Variants in RANBP2 observed in about 807,000 individuals in gnomAD.
RANBP2 encodes the protein RAN binding protein 2.
RANBP2 carries 57 observed loss-of-function variants against 303.6 expected under a neutral mutation model. The observed-to-expected ratio is 0.19, with a 90% CI of 0.15 to 0.23. RANBP2 has a LOEUF of 0.23. Ranked by LOEUF, RANBP2 falls within the 10% of genes least tolerant of loss-of-function variation. RANBP2 has a pLI of 1.00. For missense variants in RANBP2, 3,138 were observed against 3,780.8 expected (o/e 0.83, Z 4.46); for synonymous variants, 1,167 against 1,301.5 (o/e 0.90, Z 2.23).
At chr2:109,197,721 C>T in the RANBP2 span, among the ~76,000 whole-genome samples, 1 of 152,202 alleles carries the variant, frequency 6.6e-6, no homozygotes, top group East Asian at 1.9e-4. Flanking sequence ...GTGTGCCTTG[C>T]TGGAGTAGAA....
the RANBP2 span, among the ~76,000 whole-genome samples, chr2:108,932,528 C>CAAAAAAAAAAAAAAAAA: frequency 2.6e-5 from 1 of 39,158 alleles, no homozygotes; most frequent in African/African-American, 1.0e-4. Context: ...GACTCTGTCT[C>CAAAAAAAAAAAAAAAAA]AAAAAAAAAA....
chr2:109,561,365 C>T, the RANBP2 span, among the ~76,000 whole-genome samples: 2 of 152,156 alleles, frequency 1.3e-5, no homozygotes, highest in African/African-American at 4.8e-5. Context: ...ACCCATTTTA[C>T]ACTGTCTGCC....
the RANBP2 span, among the ~76,000 whole-genome samples, chr2:108,900,570 AAAAC>A: frequency 1.9e-4 from 17 of 91,590 alleles, no homozygotes; most frequent in African/African-American, 4.4e-4. Flanking sequence ...GAAAAAAAAA[AAAAC>A]AAAAAACCCA....
At chr2:109,567,120 G>C in the RANBP2 span, among the ~76,000 whole-genome samples, 50 of 152,278 alleles carry the variant, frequency 3.3e-4, no homozygotes, top group African/African-American at 1.2e-3. Flanking sequence ...GAAAGTCACT[G>C]TTAGGCGCTT....
chr2:109,201,484 T>C, the RANBP2 span, among the ~76,000 whole-genome samples: 1 of 152,050 alleles, frequency 6.6e-6, no homozygotes, highest in Non-Finnish European at 1.5e-5. Flanking sequence ...CTTATCTCTC[T>C]CTCCCCCTGG....
the RANBP2 span, among the ~76,000 whole-genome samples, chr2:108,880,089 A>G: frequency 6.6e-5 from 10 of 152,100 alleles, no homozygotes; most frequent in African/African-American, 2.2e-4. Flanking sequence ...AAAACATTTT[A>G]AAAAACAGAA....
At chr2:109,763,046 A>C in the RANBP2 span, among the ~76,000 whole-genome samples, 1 of 149,618 alleles carries the variant, frequency 6.7e-6, no homozygotes, top group African/African-American at 2.5e-5. Flanking sequence ...AATATTTGAG[A>C]ACTTTCTGTG....
the RANBP2 span, among the ~76,000 whole-genome samples, chr2:109,039,616 TG>T: frequency 4.6e-5 from 7 of 152,238 alleles, no homozygotes. Context: ...CCCAAAGTGC[TG>T]GGATTACAGG....
At chr2:109,491,913 G>A in the RANBP2 span, among the ~76,000 whole-genome samples, 2 of 152,180 alleles carry the variant, frequency 1.3e-5, no homozygotes. Context: ...CCTCCCAGAC[G>A]CCATTCCCAG....
chr2:109,054,104 C>T, the RANBP2 span, among the ~76,000 whole-genome samples: 1 of 152,204 alleles, frequency 6.6e-6, no homozygotes, highest in South Asian at 2.1e-4. Context: ...CAGCCTGGCA[C>T]ATCCATCTAT....
the RANBP2 span, among the ~76,000 whole-genome samples, chr2:109,171,506 C>T: frequency 1.7e-4 from 26 of 152,360 alleles, no homozygotes; most frequent in East Asian, 4.8e-3. Flanking sequence ...CTGCTGGGCT[C>T]GCGGGTATGG....
the RANBP2 span, chr2:108,798,348 CCA>C: frequency 6.7e-7 from 1 of 1,501,330 alleles, no homozygotes; most frequent in African/African-American, 1.4e-5. Flanking sequence ...CTTGGTTAAA[CCA>C]CAGTGTCAGC....
At chr2:109,511,691 C>T in the RANBP2 span, among the ~76,000 whole-genome samples, 6 of 152,244 alleles carry the variant, frequency 3.9e-5, no homozygotes, top group Admixed American at 6.5e-5. Flanking sequence ...TGTGACCCAA[C>T]GTGAGACCAG....
chr2:109,698,489 A>G, the RANBP2 span, among the ~76,000 whole-genome samples: 1 of 151,704 alleles, frequency 6.6e-6, no homozygotes, highest in Admixed American at 6.6e-5. Flanking sequence ...ACATAAATAA[A>G]TAAATAAAAA....
chr2:109,712,172 T>A, the RANBP2 span, among the ~76,000 whole-genome samples: 1 of 152,128 alleles, frequency 6.6e-6, no homozygotes, highest in Non-Finnish European at 1.5e-5. Context: ...CTCCTATAAA[T>A]CCCTTCCCCA....
At chr2:109,218,217 A>G in the RANBP2 span, among the ~76,000 whole-genome samples, 1 of 151,950 alleles carries the variant, frequency 6.6e-6, no homozygotes, top group Non-Finnish European at 1.5e-5. Flanking sequence ...TTTAGTTTTC[A>G]TCAGGGTCCT....
the RANBP2 span, among the ~76,000 whole-genome samples, chr2:109,312,668 G>T: frequency 4.7e-4 from 72 of 152,236 alleles, no homozygotes; most frequent in African/African-American, 1.7e-3. Flanking sequence ...TCGTATTTTC[G>T]AAGTTCATCC....
chr2:109,615,447 A>G, the RANBP2 span: 1 of 1,613,140 alleles, frequency 6.2e-7, no homozygotes, highest in Non-Finnish European at 8.5e-7. Flanking sequence ...GCTTCTGGCC[A>G]TGCTAGTCAA....
chr2:109,408,674 C>T, the RANBP2 span, among the ~76,000 whole-genome samples: 12 of 152,234 alleles, frequency 7.9e-5, no homozygotes, highest in African/African-American at 2.7e-4. Context: ...GATGGATAGA[C>T]GGACACACTG....
Sources: gnomAD v4.1 joint callset for allele counts (sites outside exome capture counted in the v4.1 genomes callset) on GRCh38, gnomAD v4.1.1 for gene constraint, MANE v1.5 for transcripts, NCBI Gene and HGNC (gene_info 2026-07-23, HGNC 2026-07-21) for gene names.